RNF144A: variants seen among roughly 807,000 people sequenced by gnomAD.
RNF144A encodes the protein E3 ubiquitin-protein ligase RNF144A.
RNF144A carries 11 observed loss-of-function variants against 38.7 expected under a neutral mutation model. That is an observed-to-expected ratio of 0.28 (90% CI 0.18 to 0.47). The LOEUF is 0.47. Ranked by LOEUF, RNF144A falls within the 20% of genes least tolerant of loss-of-function variation. The probability of loss-of-function intolerance (pLI) is 0.99; values close to 1 mark genes in which losing one functional copy is unlikely to be tolerated. For synonymous variants in RNF144A, 149 were observed against 143.9 expected (o/e 1.04, Z -0.25); for missense variants, 316 against 377.2 (o/e 0.84, Z 1.34).
rs1354801153 is a variant in RNF144A, at chr2:6,940,398, G to A, written c.-211-550G>A. On this transcript the variant is annotated intron_variant, in intron 1 of 8. Coordinates refer to ENST00000320892, the MANE Select transcript of RNF144A (RefSeq NM_014746.6). ...CAACCAATTCCTGCCCTTGAATGGA[G>A]TGTTTAAACCATTTAGCGTAATTAC... Among the ~76,000 whole-genome samples the A allele has an allele frequency of 3.3e-5, 5 of 152,258 alleles. No individual in the cohort carries two copies. In the South Asian group the frequency reaches 1.0e-3, roughly 32 times the overall value.
chr2:6,974,793 C>T (rs907538588), intron 2 of RNF144A, among the ~76,000 whole-genome samples: 4 of 152,262 alleles, frequency 2.6e-5, no homozygotes, highest in South Asian at 2.1e-4. Flanking sequence ...GGGGAGCTGA[C>T]ATATGCTGAC....
chr2:6,981,391 A>T (rs1249442083), intron 2 of RNF144A, among the ~76,000 whole-genome samples: 1 of 152,002 alleles, frequency 6.6e-6, no homozygotes, highest in Non-Finnish European at 1.5e-5. Flanking sequence ...AATGCATGTA[A>T]CTGTGTGCTT....
In RNF144A at chr2:7,040,542, C is replaced by G; in HGVS notation, c.*782C>G. 7.1e-6 allele frequency: 7 copies of G among 985,446 alleles called. No individual in the cohort carries two copies. Among genetic ancestry groups the G allele is most frequent in the Non-Finnish European group, 8.4e-6 (7 of 829,934 alleles). 61.0% of individuals were successfully genotyped at this position (985,446 alleles called of 1,614,324 possible). A position where few individuals can be genotyped will look rare whatever the true frequency, so the allele number is the denominator to read the frequency against. On this transcript the variant is annotated 3_prime_UTR_variant, in exon 9 of 9. Coordinates refer to ENST00000320892, the MANE Select transcript of RNF144A (RefSeq NM_014746.6). ...AGATTTGCCTTTTGTTGTTTTCTCTCTTTGGTGATTCAGCTCAGCTCATGG... is the reference window on the plus strand; with the variant it reads ...AGATTTGCCTTTTGTTGTTTTCTCTGTTTGGTGATTCAGCTCAGCTCATGG...
In RNF144A at chr2:6,941,480, A is replaced by T. The variant is rs79028046; in HGVS notation, c.-12+333A>T. On this transcript the variant is annotated intron_variant, in intron 2 of 8. Coordinates refer to ENST00000320892, the MANE Select transcript of RNF144A (RefSeq NM_014746.6). The surrounding 1 kb of genome is among the most constrained non-coding windows in gnomAD (Gnocchi z 6.5). ...CGTGGATTGAGCTCCTGCGTGTGCC[A>T]GGCACAGCTCTAACTCAGAACTCAG... Among the ~76,000 whole-genome samples, 2,587 of 152,336 alleles carry T rather than the reference A, an allele frequency of 0.017. 55 individuals are homozygous for T. The highest frequency in any genetic ancestry group is 0.059 in the African/African-American group (2,445 of 41,568).
In RNF144A at chr2:7,012,636, C is replaced by T. The variant is rs573275979; in HGVS notation, c.136-1818C>T. Among the ~76,000 whole-genome samples the T allele has an allele frequency of 3.2e-4, 49 of 152,362 alleles. No homozygotes were observed. The South Asian group carries it at 9.1e-3, about 28-fold the overall frequency. ...TCCGCAGCGCCACTGCCACTTAACA[C>T]GTCTGCGGATGGTTCCCAGAACCAG... On this transcript the variant is annotated intron_variant, in intron 3 of 8. Transcript: ENST00000320892.
chr2:6,961,829 A>C lies in RNF144A; in HGVS notation c.-12+20682A>C, dbSNP rs551017347. The stretch of plus-strand genomic sequence containing the variant: ...CCTGGAAATGCTGTGTTTTCTTGGA[A>C]TTCCTAGGCAGTGTGTGGTATTGTG... On this transcript the variant is annotated intron_variant, in intron 2 of 8. Transcript: ENST00000320892. Among the ~76,000 whole-genome samples the C allele has an allele frequency of 1.5e-4, 23 of 152,328 alleles. No homozygotes were observed. The South Asian group carries it at 4.6e-3, about 30-fold the overall frequency.
rs887456146 is a variant in RNF144A, at chr2:7,041,535, C to G, written c.*1775C>G. The G allele has an allele frequency of 1.2e-5, 12 of 985,938 alleles. No individual in the cohort carries two copies. The African/African-American group carries it at 1.7e-4, about 14-fold the overall frequency. 61.1% of individuals were successfully genotyped at this position (985,938 alleles called of 1,614,324 possible). A position where few individuals can be genotyped will look rare whatever the true frequency, so the allele number is the denominator to read the frequency against. ...TCTGGATGGAACCTGGGCTGTGGCT[C>G]TCTGTCGTTTGTGGTGCTGTGATGG... On this transcript the variant is annotated 3_prime_UTR_variant, in exon 9 of 9. Transcript: ENST00000320892.
chr2:7,030,303 G>GTGTA (rs1467902125), intron 8 of RNF144A, 88 bp downstream of exon 8: 3 of 661,232 alleles, frequency 4.5e-6, no homozygotes, highest in Non-Finnish European at 7.1e-6. Context: ...GTGTGTGTGT[G>GTGTA]TGTATGTATA....
chr2:6,969,953 G>C (rs912225366), intron 2 of RNF144A, among the ~76,000 whole-genome samples: 6 of 152,136 alleles, frequency 3.9e-5, no homozygotes, highest in South Asian at 4.2e-4. Flanking sequence ...GTAGAGACGG[G>C]GTTTCACCAT....
At chr2:7,000,441 G>A (rs1346754488) in intron 3 of RNF144A, among the ~76,000 whole-genome samples, 4 of 152,218 alleles carry the variant, frequency 2.6e-5, no homozygotes, top group African/African-American at 7.2e-5. Context: ...GATGCAACCT[G>A]TGTGTAGAGT....
Position 6,958,786 on chromosome 2 carries a change from G to C in RNF144A, c.-12+17639G>C, listed in dbSNP as rs1667159901. On this transcript the variant is annotated intron_variant, in intron 2 of 8. Transcript: ENST00000320892. This position sits in a 1 kb window ranked among gnomAD's most constrained non-coding sequence, Gnocchi z 4.5. Reference sequence around the variant, plus strand: ...AGGAGGCAGAGGAGGACATGGGCCTGGTGTCTCACCTGCAAGGTGGCAGTG... The same window carrying C: ...AGGAGGCAGAGGAGGACATGGGCCTCGTGTCTCACCTGCAAGGTGGCAGTG... Among the ~76,000 whole-genome samples, 1 of 152,180 alleles carries C rather than the reference G, an allele frequency of 6.6e-6. No individual in the cohort carries two copies. The highest frequency in any genetic ancestry group is 2.1e-4 in the South Asian group (1 of 4,832).
At position 6,941,723 on chromosome 2, in the gene RNF144A, T is replaced by C. The variant is rs1177350382; in HGVS notation, c.-12+576T>C. ...GGGCAGGTTGCAGTTTTAAGTGGAG[T>C]GGTCAGGGAGGTCTCTAAAGGTGAA... On this transcript the variant is annotated intron_variant, in intron 2 of 8. Transcript: ENST00000320892. This position sits in a 1 kb window ranked among gnomAD's most constrained non-coding sequence, Gnocchi z 6.5. Among the ~76,000 whole-genome samples, 1 of 151,812 alleles carries C rather than the reference T, an allele frequency of 6.6e-6. No homozygotes were observed. Among genetic ancestry groups the C allele is most frequent in the East Asian group, 1.9e-4 (1 of 5,174 alleles).
At chr2:6,979,055 A>G (rs1448869) in intron 2 of RNF144A, among the ~76,000 whole-genome samples, 70,955 of 152,042 alleles carry the variant, frequency 0.47, 17,227 homozygotes, top group Non-Finnish European at 0.55. Context: ...GAGAGACAGG[A>G]GCAGCCTTGT....
At position 7,043,136 on chromosome 2, in the gene RNF144A, G is replaced by A. The variant is rs761608780; in HGVS notation, c.*3376G>A. On this transcript the variant is annotated 3_prime_UTR_variant, in exon 9 of 9. Transcript: ENST00000320892. ...GCCCACCTCGGCTTCCCAAAGTGCT[G>A]GAATTACAGGCCTGAGCCACCCCAC... The A allele has an allele frequency of 8.3e-4, 800 of 968,108 alleles. No homozygotes were observed. The highest frequency in any genetic ancestry group is 9.4e-4 in the Non-Finnish European group (762 of 814,354). 60.0% of individuals were successfully genotyped at this position (968,108 alleles called of 1,614,324 possible).
At chr2:7,035,516 C>T (rs1046495123) in intron 8 of RNF144A, among the ~76,000 whole-genome samples, 4 of 152,230 alleles carry the variant, frequency 2.6e-5, no homozygotes, top group Non-Finnish European at 5.9e-5. Context: ...GTCACTGACC[C>T]TGCTGTGGGT....
Position 7,039,766 on chromosome 2 carries a change from G to T in RNF144A, c.*6G>T. ...ACGACCCGTTACCCACCTAGAGGAAGCGCGATGCTGGAACACATCCCTGCC... is the reference window on the plus strand; with the variant it reads ...ACGACCCGTTACCCACCTAGAGGAATCGCGATGCTGGAACACATCCCTGCC... On this transcript the variant is annotated 3_prime_UTR_variant, in exon 9 of 9. Coordinates refer to ENST00000320892, the MANE Select transcript of RNF144A (RefSeq NM_014746.6). 3 of 1,612,526 alleles carry T rather than the reference G, an allele frequency of 1.9e-6. No individual in the cohort carries two copies. The highest frequency in any genetic ancestry group is 2.5e-6 in the Non-Finnish European group (3 of 1,179,706).
At chr2:6,952,028 C>T (rs1232062406) in intron 2 of RNF144A, among the ~76,000 whole-genome samples, 4 of 152,002 alleles carry the variant, frequency 2.6e-5, no homozygotes, top group African/African-American at 4.8e-5. Flanking sequence ...ATACGTTTGC[C>T]GCCATATTTT....
chr2:7,039,791 C>G lies in RNF144A; in HGVS notation c.*31C>G. ...GCGCGATGCTGGAACACATCCCTGC[C>G]TCCGGGAAGTGTGGCTCTCCCCCAA... On this transcript the variant is annotated 3_prime_UTR_variant, in exon 9 of 9. Coordinates refer to ENST00000320892, the MANE Select transcript of RNF144A (RefSeq NM_014746.6). 6.2e-7 allele frequency: 1 copy of G among 1,608,272 alleles called. No individual in the cohort carries two copies. The highest frequency in any genetic ancestry group is 8.5e-7 in the Non-Finnish European group (1 of 1,176,966).
chr2:7,060,523 T>A (rs1673911636), intron 6 of RNF144A, among the ~76,000 whole-genome samples: 1 of 152,176 alleles, frequency 6.6e-6, no homozygotes, highest in Admixed American at 6.5e-5. Context: ...CCTTTCCCCC[T>A]GGCAAAACTT....
Sources: allele counts gnomAD v4.1 joint callset (sites outside exome capture counted in the v4.1 genomes callset), GRCh38; gene constraint gnomAD v4.1.1; non-coding constraint Gnocchi (gnomAD v3.1); transcripts MANE v1.5; gene names NCBI Gene and HGNC (gene_info 2026-07-23, HGNC 2026-07-21).